ITPR2: variants seen among roughly 807,000 people sequenced by gnomAD.
ITPR2 encodes the protein inositol 1,4,5-trisphosphate receptor type 2.
In ITPR2, 207 loss-of-function variants were observed where a neutral mutation model predicts 317.1. That is an observed-to-expected ratio of 0.65 (90% CI 0.58 to 0.73). The LOEUF is 0.73. ITPR2 is among the 30% of genes least tolerant of loss of function. ITPR2 has a pLI of 0.00. For synonymous variants in ITPR2, 1,156 were observed against 1,149.1 expected, an observed-to-expected ratio of 1.01 and a Z score of -0.12; for missense variants, 2,613 against 3,284.0, an observed-to-expected ratio of 0.80 and a Z score of 4.99.
At chr12:26,585,102 C>A (rs1309977364) in intron 32 of ITPR2, among the ~76,000 whole-genome samples, 2 of 152,064 alleles carry the variant, frequency 1.3e-5, no homozygotes, top group South Asian at 4.1e-4. Context: ...CTGAAAAATA[C>A]AGAAAATATA....
intron 54 of ITPR2, among the ~76,000 whole-genome samples, chr12:26,389,610 T>C (rs918231542): frequency 3.3e-5 from 5 of 152,194 alleles, no homozygotes; most frequent in South Asian, 2.1e-4. Context: ...CTTCAAATTT[T>C]TGCTGAAATC....
intron 21 of ITPR2, among the ~76,000 whole-genome samples, chr12:26,636,323 A>ATCATATGTC (rs1429626538): frequency 6.6e-6 from 1 of 152,184 alleles, no homozygotes; most frequent in Non-Finnish European, 1.5e-5. Flanking sequence ...CTCATATCAT[A>ATCATATGTC]TCATATATTT....
intron 37 of ITPR2, among the ~76,000 whole-genome samples, chr12:26,533,994 A>G (rs1371299690): frequency 2.0e-5 from 3 of 152,148 alleles, no homozygotes; most frequent in Non-Finnish European, 4.4e-5. Flanking sequence ...CTAGAACTAT[A>G]CAAGTCAGCC....
chr12:26,419,390 T>C, intron 49 of ITPR2, 177 bp from the exon 50 acceptor site: 2 of 580,808 alleles, frequency 3.4e-6, no homozygotes, highest in Admixed American at 3.4e-5. Context: ...ACTTTTTTCA[T>C]AATTTCTCAT....
chr12:26,780,156 G>A (rs975841299), intron 2 of ITPR2, among the ~76,000 whole-genome samples: 4 of 152,148 alleles, frequency 2.6e-5, no homozygotes, highest in South Asian at 2.1e-4. Flanking sequence ...ACTTCCACTC[G>A]CCAAGGCTGA....
At chr12:26,605,050 A>T (rs7295076) in intron 26 of ITPR2, among the ~76,000 whole-genome samples, 67,938 of 147,934 alleles carry the variant, frequency 0.46, 15,822 homozygotes, top group Middle Eastern at 0.57. Context: ...ATTGCACCAC[A>T]GCACTGCAGC....
intron 55 of ITPR2, among the ~76,000 whole-genome samples, chr12:26,383,494 G>C (rs1335513939): frequency 6.7e-6 from 1 of 149,972 alleles, no homozygotes; most frequent in Non-Finnish European, 1.5e-5. Context: ...TTGTTTGTTT[G>C]TTTTTTTGAG....
chr12:26,447,666 G>T (rs1020253559), intron 45 of ITPR2, among the ~76,000 whole-genome samples: 4 of 151,838 alleles, frequency 2.6e-5, no homozygotes, highest in African/African-American at 9.7e-5. Context: ...GATAAAGCAA[G>T]GATAGCATTC....
At chr12:26,440,562 C>T (rs946151180) in intron 46 of ITPR2, among the ~76,000 whole-genome samples, 1 of 151,934 alleles carries the variant, frequency 6.6e-6, no homozygotes, top group Non-Finnish European at 1.5e-5. Flanking sequence ...CTGAAGGTAT[C>T]CTAAATGATA....
intron 55 of ITPR2, among the ~76,000 whole-genome samples, chr12:26,357,527 T>C (rs1478941378): frequency 3.9e-5 from 6 of 152,260 alleles, no homozygotes; most frequent in Non-Finnish European, 8.8e-5. Flanking sequence ...TCATCATTAG[T>C]GTTTTTCTGA....
At chr12:26,808,399 AC>A (rs1453943394) in intron 1 of ITPR2, among the ~76,000 whole-genome samples, 1 of 152,192 alleles carries the variant, frequency 6.6e-6, no homozygotes, top group African/African-American at 2.4e-5. Flanking sequence ...AAAAATCCAT[AC>A]CTGCCACATA....
At chr12:26,804,143 C>A (rs1440001882) in intron 1 of ITPR2, among the ~76,000 whole-genome samples, 1 of 151,998 alleles carries the variant, frequency 6.6e-6, no homozygotes, top group Non-Finnish European at 1.5e-5. Flanking sequence ...AGCTAAAAAA[C>A]AAAACAACTT....
At chr12:26,582,519 C>T (rs567538673) in intron 32 of ITPR2, among the ~76,000 whole-genome samples, 1 of 152,282 alleles carries the variant, frequency 6.6e-6, no homozygotes, top group South Asian at 2.1e-4. Context: ...CACCATCATG[C>T]TTTAAGCCAT....
At chr12:26,593,242 A>G (rs1361296809) in intron 32 of ITPR2, among the ~76,000 whole-genome samples, 1 of 152,238 alleles carries the variant, frequency 6.6e-6, no homozygotes, top group Non-Finnish European at 1.5e-5. Flanking sequence ...AAAGTCTTTC[A>G]TTTATGGAAA....
chr12:26,706,151 CGTGGCTGTTGAGCAACTTGAAAT>C (rs1478966930), intron 9 of ITPR2, among the ~76,000 whole-genome samples: 1 of 152,126 alleles, frequency 6.6e-6, no homozygotes, highest in Non-Finnish European at 1.5e-5. Context: ...TTTCGTGTGG[CGTGGCTGTTGAGCAACTTGAAAT>C]GTGGCTGTTG....
At chr12:26,508,865 C>T (rs1943256940) in intron 37 of ITPR2, among the ~76,000 whole-genome samples, 2 of 152,128 alleles carry the variant, frequency 1.3e-5, no homozygotes, top group East Asian at 1.9e-4. Context: ...CGTAGAGTTA[C>T]CATACATTCC....
chr12:26,786,614 G>A (rs559007299), intron 2 of ITPR2, among the ~76,000 whole-genome samples: 100 of 151,880 alleles, frequency 6.6e-4, no homozygotes, highest in Admixed American at 2.0e-3. Context: ...TTGTTTATTT[G>A]GTAAAACTTA....
intron 10 of ITPR2, 89 bp downstream of exon 10, chr12:26,695,517 C>T: frequency 8.9e-7 from 1 of 1,123,100 alleles, no homozygotes; most frequent in Non-Finnish European, 1.3e-6. Flanking sequence ...AGCCCCTAGT[C>T]TTCAAATTTG....
intron 23 of ITPR2, 23 bp from the exon 24 acceptor site, chr12:26,624,379 C>A (rs1946570638): frequency 6.4e-7 from 1 of 1,560,482 alleles, no homozygotes; most frequent in Non-Finnish European, 8.8e-7. Flanking sequence ...ATGGTAAAAT[C>A]TCTTCTTTAT....
Sources: gnomAD v4.1 joint callset for allele counts (sites outside exome capture counted in the v4.1 genomes callset) on GRCh38, gnomAD v4.1.1 for gene constraint, MANE v1.5 for transcripts, NCBI Gene and HGNC (gene_info 2026-07-23, HGNC 2026-07-21) for gene names.